CSF1R: variants seen among roughly 807,000 people sequenced by gnomAD.
CSF1R encodes colony stimulating factor 1 receptor, also known as macrophage colony-stimulating factor 1 receptor.
A neutral mutation model predicts 110.0 loss-of-function variants in CSF1R; 40 were observed. The observed-to-expected ratio is 0.36, with a 90% CI of 0.28 to 0.47. CSF1R has a LOEUF of 0.47. CSF1R is among the 20% of genes least tolerant of loss of function. CSF1R has a pLI of 0.99. For synonymous variants in CSF1R, 523 were observed against 503.4 expected (o/e 1.04, Z -0.52); for missense variants, 1,052 against 1,253.0 (o/e 0.84, Z 2.42).
chr5:150,105,404 G>A lies in CSF1R; in HGVS notation c.-181+7857C>T, dbSNP rs181715724. On this transcript the variant is annotated intron_variant, in intron 1 of 21. Coordinates refer to the CSF1R transcript ENST00000286301. ...TATATATTTTTTTTTTTTTAATAGA[G>A]GCGGGGTTACCATGTTGGCGAGGCT... is the stretch of plus-strand genomic sequence containing the variant. Among the ~76,000 whole-genome samples the A allele has an allele frequency of 9.1e-3, 1,310 of 143,224 alleles. 15 individuals carry two copies. Among genetic ancestry groups the A allele is most frequent in the African/African-American group, 0.031 (1,191 of 38,762 alleles). 94.0% of individuals were successfully genotyped at this position (143,224 alleles called of 152,430 possible).
intron 1 of CSF1R, among the ~76,000 whole-genome samples, chr5:150,085,049 C>T (rs1489282041): frequency 1.3e-5 from 2 of 152,162 alleles, no homozygotes; most frequent in African/African-American, 4.8e-5. Context: ...GAGGCCAAGG[C>T]AGGTGGATCA....
chr5:150,075,863 C>A (rs773388421), intron 5 of CSF1R, among the ~76,000 whole-genome samples: 1 of 152,244 alleles, frequency 6.6e-6, no homozygotes, highest in Non-Finnish European at 1.5e-5. Flanking sequence ...CCTGCCAAAG[C>A]TCCCAGTGCA....
rs1301173543 is a variant in CSF1R at position 150,080,191 on chromosome 5, G to A, written c.453C>T (p.His151=). The part of the protein sequence containing the change: ...VRVRGRPLMR[H]TNYSFSPWHG... ...GCCAGGGCGAGAAGGAGTAGTTGGT[G>A]TGGCGCATGAGGGGCCGGCCACGCA... Residue 151 remains histidine, a synonymous_variant, in exon 3 of 21, where the codon CAC becomes CAT. Transcript: ENST00000675795. The A allele has an allele frequency of 3.1e-6, 5 of 1,613,822 alleles. No individual in the cohort carries two copies. In the Admixed American group the frequency reaches 5.0e-5, roughly 16 times the overall value.
chr5:150,065,238 TC>T (rs199563447), intron 10 of CSF1R, among the ~76,000 whole-genome samples: 10,543 of 152,164 alleles, frequency 0.069, 559 homozygotes, highest in East Asian at 0.29. Context: ...GTGGATGTTC[TC>T]CATCCCAGGA....
At chr5:150,057,232 C>A in intron 16 of CSF1R, 55 bp downstream of exon 16, 1 of 1,513,970 alleles carries the variant, frequency 6.6e-7, no homozygotes, top group South Asian at 1.1e-5. Context: ...ACTCATCCAG[C>A]CTCCCCGGAG....
At chr5:150,058,006 A>G in intron 14 of CSF1R, 2 of 359,944 alleles carry the variant, frequency 5.6e-6, no homozygotes, top group Non-Finnish European at 1.1e-5. Context: ...TCACATTAAA[A>G]TCACTTCGGG....
At chr5:150,095,792 A>C (rs1247971979) in intron 1 of CSF1R, among the ~76,000 whole-genome samples, 3 of 151,756 alleles carry the variant, frequency 2.0e-5, no homozygotes, top group African/African-American at 4.8e-5. Context: ...AGAAAAACAC[A>C]AATTGCAAAT....
chr5:150,060,303 G>A (rs1757443207), intron 13 of CSF1R, among the ~76,000 whole-genome samples: 1 of 151,274 alleles, frequency 6.6e-6, no homozygotes, highest in Non-Finnish European at 1.5e-5. Context: ...CTCCAGCCTG[G>A]GTGACAGAGT....
chr5:150,071,064 A>G (rs1005928373), intron 6 of CSF1R, among the ~76,000 whole-genome samples: 1 of 152,016 alleles, frequency 6.6e-6, no homozygotes, highest in South Asian at 2.1e-4. Flanking sequence ...CAAGTACTTA[A>G]CCTCTCTGAT....
intron 1 of CSF1R, chr5:150,098,552 C>G (rs918613817): frequency 6.6e-6 from 1 of 152,190 alleles, no homozygotes; most frequent in African/African-American, 2.4e-5. Flanking sequence ...AAAACTTCTA[C>G]TCTTTTAAAT....
intron 1 of CSF1R, chr5:150,095,112 G>GAAA (rs35743502): frequency 0.013 from 4,262 of 326,986 alleles, 67 homozygotes; most frequent in South Asian, 0.023. Flanking sequence ...TCTCAAATTG[G>GAAA]AAAAAAAAAA....
intron 1 of CSF1R, among the ~76,000 whole-genome samples, chr5:150,097,320 G>GGGAAGA (rs1329195433): frequency 3.3e-5 from 5 of 149,490 alleles, no homozygotes; most frequent in African/African-American, 1.2e-4. Flanking sequence ...AAAGGGGAAG[G>GGGAAGA]GGAAGGAGAA....
chr5:150,108,719 A>C (rs1390950802), intron 1 of CSF1R, among the ~76,000 whole-genome samples: 1 of 152,214 alleles, frequency 6.6e-6, no homozygotes, highest in Non-Finnish European at 1.5e-5. Context: ...AAGACCCACA[A>C]AATCTAAAAC....
chr5:150,068,158 T>C, intron 10 of CSF1R, 57 bp downstream of exon 10: 1 of 1,357,206 alleles, frequency 7.4e-7, no homozygotes, highest in Non-Finnish European at 1.0e-6. Flanking sequence ...AGCCTGGGGG[T>C]ACCATCCAAA....
intron 9 of CSF1R, 83 bp downstream of exon 9, chr5:150,069,789 TG>T (rs1379567129): frequency 5.9e-6 from 6 of 1,024,836 alleles, no homozygotes; most frequent in Non-Finnish European, 5.1e-6. Context: ...GCTCCCTCGG[TG>T]GGGGGTGGGG....
chr5:150,055,408 C>CT, intron 18 of CSF1R, 72 bp from the exon 19 acceptor site: 1 of 1,307,582 alleles, frequency 7.6e-7, no homozygotes, highest in South Asian at 1.2e-5. Context: ...CCACACACAT[C>CT]TTAGACTGGG....
upstream of CSF1R, among the ~76,000 whole-genome samples, chr5:150,089,602 G>C (rs948374815): frequency 1.3e-5 from 2 of 152,176 alleles, no homozygotes; most frequent in Admixed American, 1.3e-4. Flanking sequence ...GATTTAATAA[G>C]ACAGCGGTAC....
chr5:150,084,904 G>C (rs549473305), intron 1 of CSF1R, among the ~76,000 whole-genome samples: 1 of 152,164 alleles, frequency 6.6e-6, no homozygotes, highest in African/African-American at 2.4e-5. Context: ...AGGGGGTGGC[G>C]GGTACACTGT....
chr5:150,059,858 A>G lies in CSF1R; in HGVS notation c.1974T>C (p.Pro658=), dbSNP rs749750947. The change falls in exon 14 of 21, where the codon CCT becomes CCC. Residue 658 remains proline, a synonymous_variant. Coordinates refer to ENST00000675795, the MANE Select transcript of CSF1R (RefSeq NM_001288705.3). ...AACAGTACTCCGTGATGACCAGTAC[A>G]GGGCCTAGAGCAGCCAAGGGTGTGG... ...NLLGACTHGG[P]VLVITEYCCY... 38 of 1,611,360 alleles carry G rather than the reference A, an allele frequency of 2.4e-5. No individual in the cohort carries two copies. The highest frequency in any genetic ancestry group is 3.2e-5 in the Non-Finnish European group (38 of 1,177,998).
Sources: gnomAD v4.1 joint callset for allele counts (sites outside exome capture counted in the v4.1 genomes callset) on GRCh38, gnomAD v4.1.1 for gene constraint, MANE v1.5 for transcripts, NCBI Gene and HGNC (gene_info 2026-07-23, HGNC 2026-07-21) for gene names.